CDC42BPG: variants seen among roughly 807,000 people sequenced by gnomAD.
CDC42BPG encodes CDC42 binding protein kinase gamma, also known as serine/threonine-protein kinase MRCK gamma.
Under a neutral mutation model 192.2 loss-of-function variants are expected in CDC42BPG, and 157 were observed. That is an observed-to-expected ratio of 0.82 (90% confidence interval 0.72 to 0.93). The LOEUF (loss-of-function observed/expected upper bound fraction) is 0.93, where lower values mean the gene tolerates loss of function less well. Ranked by LOEUF, CDC42BPG falls within the 40% of genes least tolerant of loss-of-function variation. The pLI is 0.00. For missense variants in CDC42BPG, 1,992 were observed against 2,122.1 expected, an observed-to-expected ratio of 0.94 and a Z score of 1.20; for synonymous variants, 981 against 918.5, an observed-to-expected ratio of 1.07 and a Z score of -1.23.
intron 29 of CDC42BPG, 23 bp from the exon 30 acceptor site, chr11:64,830,093 G>C (rs71526494): frequency 1.2e-6 from 2 of 1,612,492 alleles, no homozygotes; most frequent in Middle Eastern, 1.7e-4. Context: ...CGAGGGGAGA[G>C]TGTCACTGGC....
chr11:64,838,705 C>T lies in CDC42BPG; in HGVS notation c.1074G>A (p.Gly358=), dbSNP rs653343. The T allele has an allele frequency of 0.14, 220,829 of 1,612,872 alleles. 21,961 individuals are homozygous for T. The highest frequency in any genetic ancestry group is 0.38 in the East Asian group (16,947 of 44,854). ...STAPYIPELR[G]PMDTSNFDVD... is the part of the protein sequence containing the mutation. ...CATCAAAGTTGGAGGTGTCCATGGG[C>T]CCCCGCAGCTCAGGAATATAGGGGG... The change falls in exon 8 of 37, where the codon GGG becomes GGA. Residue 358 remains glycine (G), a synonymous_variant. Transcript: ENST00000342711.
Position 64,829,587 on chromosome 11 carries a change from T to G in CDC42BPG, c.3851A>C (p.Glu1284Ala), listed in dbSNP as rs142672187. Reference protein sequence around the residue: ...GGLGEALGAVELSLSEFLLLF... With the variant: ...GGLGEALGAVALSLSEFLLLF... Reference sequence around the variant, plus strand: ...TAGCAGGAACTCGCTGAGGCTAAGCTCCACGGCACCCAGTGCCTCACCCAG... The same window carrying G: ...TAGCAGGAACTCGCTGAGGCTAAGCGCCACGGCACCCAGTGCCTCACCCAG... The change falls in exon 30 of 37, where the codon GAG (glutamate) becomes GCG (alanine). Residue 1284 changes from glutamate to alanine, a missense_variant. Transcript: ENST00000342711. The G allele has an allele frequency of 9.3e-6, 15 of 1,612,434 alleles. No individual in the cohort carries two copies. The highest frequency in any genetic ancestry group is 1.3e-5 in the Non-Finnish European group (15 of 1,179,704).
rs566877236 is a variant in CDC42BPG at position 64,824,400 on chromosome 11, A to G, written c.*73T>C. 1.0e-5 allele frequency: 11 copies of G among 1,050,834 alleles called. No individual in the cohort carries two copies. The highest frequency in any genetic ancestry group is 1.0e-4 in the Admixed American group (6 of 59,348). 65.1% of individuals were successfully genotyped at this position (1,050,834 alleles called of 1,614,324 possible). A position where few individuals can be genotyped will look rare whatever the true frequency, so the allele number is the denominator to read the frequency against. On this transcript the variant is annotated 3_prime_UTR_variant, in exon 37 of 37. Transcript: ENST00000342711. ...TTCCATGTCCCGGACCAGCCGGAGT[A>G]TGGCATTCCTCAAGCTCTTTGCTCC...
intron 36 of CDC42BPG, among the ~76,000 whole-genome samples, chr11:64,825,958 T>TCTCCCAA (rs1942396570): frequency 1.3e-5 from 2 of 149,870 alleles, no homozygotes; most frequent in Non-Finnish European, 3.0e-5. Flanking sequence ...ACCAGCGACT[T>TCTCCCAA]GGGAGAGGCT....
At chr11:64,841,968 T>C in intron 1 of CDC42BPG, 64 bp from the exon 2 acceptor site, 4 of 1,359,222 alleles carry the variant, frequency 2.9e-6, no homozygotes, top group Non-Finnish European at 4.1e-6. Context: ...CCTCTCACCT[T>C]GGGCAAGCCA....
chr11:64,826,835 C>T (rs1158910746), intron 34 of CDC42BPG, 41 bp from the exon 35 acceptor site: 1 of 1,468,054 alleles, frequency 6.8e-7, no homozygotes, highest in Non-Finnish European at 9.0e-7. Context: ...CTAGCAGGCA[C>T]AAGGAGGACA....
At position 64,827,070 on chromosome 11, in the gene CDC42BPG, C is replaced by CG. The variant is rs759131532; in HGVS notation, c.4368dup (p.Gly1457ArgfsTer90). 4.5e-5 allele frequency: 73 copies of CG among 1,612,454 alleles called. No individual in the cohort carries two copies. Among genetic ancestry groups the CG allele is most frequent in the Non-Finnish European group, 6.2e-5 (73 of 1,178,666 alleles). ...CTAACCGGGGACTTGTCCCTGGCGC[C>CG]GGGCCGCCCGTTGGCAGGGCCCACG... is the stretch of plus-strand genomic sequence containing the variant. On this transcript the variant is annotated frameshift_variant, in exon 34 of 37. Transcript: ENST00000342711. LOFTEE classifies it high-confidence loss of function.
In CDC42BPG at chr11:64,829,570, A is replaced by G. The variant is rs778891760; in HGVS notation, c.3868T>C (p.Phe1290Leu). Residue 1290 changes from phenylalanine (F) to leucine (L), a missense_variant, in exon 30 of 37, where the codon TTC becomes CTC. By Grantham distance (22) the Phe-to-Leu change is conservative. Around this residue, in one of 2 missense-constraint regions of CDC42BPG, gnomAD observed 1,656 missense variants for 1,844.3 expected, o/e 0.90. Transcript: ENST00000342711. ...CCAGCAGTGGTGAAGAGTAGCAGGA[A>G]CTCGCTGAGGCTAAGCTCCACGGCA... ...LGAVELSLSEFLLLFTTAGIY... is the reference protein window; with the variant it reads ...LGAVELSLSELLLLFTTAGIY... The G allele has an allele frequency of 6.2e-6, 10 of 1,612,516 alleles. No homozygotes were observed. The African/African-American group carries it at 1.3e-4, about 22-fold the overall frequency.
rs774975774 is a variant in CDC42BPG, at chr11:64,829,679, G to A, written c.3759C>T (p.Asn1253=). ...CCCCCAGCGCCAACGGCGCAGCCTC[G>A]TTGAGCAGCGGGTAGAGTGCAAAGC... is the stretch of plus-strand genomic sequence containing the variant. ...AGGFALYPLL[N]EAAPLALGAG... is the part of the protein sequence containing the mutation. Residue 1253 remains asparagine (N), a synonymous_variant, in exon 30 of 37, where the codon AAC becomes AAT. Coordinates refer to ENST00000342711, the MANE Select transcript of CDC42BPG (RefSeq NM_017525.3). 9.3e-6 allele frequency: 15 copies of A among 1,611,610 alleles called. No homozygotes were observed. In the African/African-American group the frequency reaches 1.2e-4, roughly 13 times the overall value.
chr11:64,833,555 G>A (rs754762814), intron 23 of CDC42BPG, 45 bp downstream of exon 23: 1 of 1,550,494 alleles, frequency 6.4e-7, no homozygotes, highest in East Asian at 2.3e-5. Context: ...CAGCCTGGCA[G>A]AACTGCTTGG....
At chr11:64,828,376 C>G (rs1270149543) in intron 30 of CDC42BPG, among the ~76,000 whole-genome samples, 2 of 152,188 alleles carry the variant, frequency 1.3e-5, no homozygotes, top group Admixed American at 6.5e-5. Context: ...GATGAGGAAA[C>G]CAGCCCCGGC....
intron 9 of CDC42BPG, 32 bp downstream of exon 9, chr11:64,838,051 C>T: frequency 6.5e-7 from 1 of 1,540,866 alleles, no homozygotes; most frequent in Non-Finnish European, 8.8e-7. Flanking sequence ...CAACCCCGAG[C>T]CTCCCACCAG....
Position 64,844,424 on chromosome 11 carries a change from T to C in CDC42BPG, c.146A>G (p.Gln49Arg). ...GPLRRERSVAQFLSWASPFVS... is the reference protein window; with the variant it reads ...GPLRRERSVARFLSWASPFVS... The stretch of plus-strand genomic sequence containing the variant: ...CCGCCACTCACCCCAGCTCAGGAAC[T>C]GCGCCACGCTGCGCTCCCGCCGTAG... The change falls in exon 1 of 37, where the codon CAG becomes CGG. Residue 49 changes from glutamine to arginine, a missense_variant. Gln to Arg is a conservative substitution (Grantham distance 43). Around this residue, in one of 2 missense-constraint regions of CDC42BPG, gnomAD observed 1,656 missense variants for 1,844.3 expected, o/e 0.90. Transcript: ENST00000342711. 6.9e-7 allele frequency: 1 copy of C among 1,458,546 alleles called. No individual in the cohort carries two copies. The highest frequency in any genetic ancestry group is 9.0e-7 in the Non-Finnish European group (1 of 1,110,028). 90.4% of individuals were successfully genotyped at this position (1,458,546 alleles called of 1,614,324 possible).
Position 64,839,221 on chromosome 11 carries a change from C to A in CDC42BPG, c.688G>T (p.Val230Leu). The change falls in exon 7 of 37, where the codon GTG (valine) becomes TTG (leucine). Residue 230 changes from valine (V) to leucine (L), a missense_variant. By Grantham distance (32) the Val-to-Leu change is conservative (BLOSUM62 1). Transcript: ENST00000342711. ...ATATAGTCCGGCGTCCCTACTGCCA[C>A]TGATGAATCCACCTGTGGGTGGTGG... ...LNTNGMVDSS[V>L]AVGTPDYISP... is the part of the protein sequence containing the mutation. The A allele has an allele frequency of 6.2e-7, 1 of 1,613,208 alleles. No individual in the cohort carries two copies. The highest frequency in any genetic ancestry group is 1.1e-5 in the South Asian group (1 of 91,086).
chr11:64,828,097 C>A (rs1487999518), intron 30 of CDC42BPG, among the ~76,000 whole-genome samples: 1 of 152,158 alleles, frequency 6.6e-6, no homozygotes, highest in Non-Finnish European at 1.5e-5. Context: ...TGGTCAAGGT[C>A]AGGTCACTCA....
In CDC42BPG at chr11:64,838,762, G is replaced by A. The variant is rs375621523; in HGVS notation, c.1017C>T (p.Gly339=). The A allele has an allele frequency of 2.5e-5, 40 of 1,612,874 alleles. No individual in the cohort carries two copies. Among genetic ancestry groups the A allele is most frequent in the Non-Finnish European group, 7.6e-6 (9 of 1,180,038 alleles). ...TGCTCGCCAGCCGCTCCCAGTCCACGCCTTCGAAGAAAGGATGGTTCCGGA... is the reference window on the plus strand; with the variant it reads ...TGCTCGCCAGCCGCTCCCAGTCCACACCTTCGAAGAAAGGATGGTTCCGGA... ...DDFRNHPFFE[G]VDWERLASST... The change falls in exon 8 of 37, where the codon GGC becomes GGT. Residue 339 remains glycine, a synonymous_variant. Transcript: ENST00000342711.
Position 64,826,795 on chromosome 11 carries a change from C to A in CDC42BPG, c.4390-1G>T. 1 of 1,496,838 alleles carries A rather than the reference C, an allele frequency of 6.7e-7. No homozygotes were observed. Among genetic ancestry groups the A allele is most frequent in the Non-Finnish European group, 8.9e-7 (1 of 1,125,256 alleles). The allele number at this position is 1,496,838 out of a possible 1,614,324, so 92.7% of individuals were successfully genotyped here. ...CAACTCGGCCCTTCTCTTCGGGAGC[C>A]TGTTGGGTGACAGTGCGGAGGGGCT... On this transcript the variant is annotated splice_acceptor_variant, in intron 34 of 36. Transcript: ENST00000342711. LOFTEE classifies it high-confidence loss of function.
chr11:64,835,017 T>TGGG, intron 17 of CDC42BPG, 30 bp downstream of exon 17: 2 of 1,571,940 alleles, frequency 1.3e-6, no homozygotes, highest in Non-Finnish European at 1.7e-6. Flanking sequence ...TCGCCTGCGT[T>TGGG]CCCCACCCCG....
In CDC42BPG at chr11:64,832,638, G is replaced by A; in HGVS notation, c.2971C>T (p.Pro991Ser). The A allele has an allele frequency of 6.2e-7, 1 of 1,613,808 alleles. No individual in the cohort carries two copies. Among genetic ancestry groups the A allele is most frequent in the Non-Finnish European group, 8.5e-7 (1 of 1,180,004 alleles). ...AGGACCTGCAGGAGGGCCCCACTGG[G>A]CGGGCTGAGCCTCAGGTCAGGGGCG... The part of the protein sequence containing the change: ...FDAPDLRLSP[P>S]SGALLQVLDL... The change falls in exon 26 of 37, where the codon CCC becomes TCC. Residue 991 changes from proline (P) to serine (S), a missense_variant. Pro to Ser is a moderately conservative substitution (Grantham distance 74). Coordinates refer to ENST00000342711, the MANE Select transcript of CDC42BPG (RefSeq NM_017525.3).
Sources: allele counts gnomAD v4.1 joint callset (sites outside exome capture counted in the v4.1 genomes callset), GRCh38; gene constraint gnomAD v4.1.1; regional missense constraint gnomAD v4.1.1; transcripts MANE v1.5; gene names NCBI Gene and HGNC (gene_info 2026-07-23, HGNC 2026-07-21).